FGF14: variants seen among roughly 807,000 people sequenced by gnomAD.
The protein encoded by FGF14 is fibroblast growth factor homologous factor 4.
A neutral mutation model predicts 25.5 loss-of-function variants in FGF14; 5 were observed. The ratio of observed to expected loss-of-function variants is 0.20; its 90% confidence interval spans 0.10 to 0.41. The LOEUF is 0.41. Ranked by LOEUF, FGF14 falls within the 10% of genes least tolerant of loss-of-function variation. FGF14 has a pLI of 1.00. For synonymous variants in FGF14, 138 were observed against 118.3 expected (o/e 1.17, Z -1.08); for missense variants, 222 against 320.1 (o/e 0.69, Z 2.34).
chr13:101,885,815 T>C (rs866484599), intron 1 of FGF14, among the ~76,000 whole-genome samples: 2 of 152,042 alleles, frequency 1.3e-5, no homozygotes, highest in African/African-American at 4.8e-5. Context: ...GAACCAGGTT[T>C]CAAGTGAATG....
intron 3 of FGF14, among the ~76,000 whole-genome samples, chr13:101,791,634 C>T (rs565244799): frequency 1.3e-5 from 2 of 152,108 alleles, no homozygotes; most frequent in Non-Finnish European, 2.9e-5. Flanking sequence ...TGCTAAGGCA[C>T]AGCAGACTGG....
At chr13:102,317,584 T>C (rs1448616753) in intron 1 of FGF14, among the ~76,000 whole-genome samples, 1 of 152,226 alleles carries the variant, frequency 6.6e-6, no homozygotes, top group African/African-American at 2.4e-5. Flanking sequence ...TTTTAAACCT[T>C]TGTTTTTTTT....
intron 1 of FGF14, among the ~76,000 whole-genome samples, chr13:102,129,040 C>T (rs556239558): frequency 6.6e-6 from 1 of 151,736 alleles, no homozygotes; most frequent in Non-Finnish European, 1.5e-5. Flanking sequence ...TGCACTCTAG[C>T]CTGGGCAACA....
chr13:102,328,375 T>C (rs1045781158), intron 1 of FGF14, among the ~76,000 whole-genome samples: 8 of 152,238 alleles, frequency 5.3e-5, no homozygotes, highest in South Asian at 2.1e-4. Context: ...CTGGCTAAAA[T>C]AGGTGAATTT....
intron 1 of FGF14, among the ~76,000 whole-genome samples, chr13:102,356,577 A>G (rs1389269930): frequency 6.6e-6 from 1 of 152,214 alleles, no homozygotes; most frequent in Non-Finnish European, 1.5e-5. Context: ...AATTTGCTAA[A>G]GATCTGATGG....
At chr13:101,870,663 A>G (rs2140456879) in intron 2 of FGF14, among the ~76,000 whole-genome samples, 1 of 152,284 alleles carries the variant, frequency 6.6e-6, no homozygotes, top group Admixed American at 6.5e-5. Flanking sequence ...TGGGACCTGA[A>G]TTATAAAATA....
intron 3 of FGF14, among the ~76,000 whole-genome samples, chr13:101,734,631 TAAC>T (rs1230239994): frequency 2.0e-5 from 3 of 152,122 alleles, no homozygotes; most frequent in South Asian, 2.1e-4. Context: ...GCCTCAATAT[TAAC>T]AATAATAATG....
rs532343462 is a variant in FGF14 at position 102,096,441 on chromosome 13, C to A, written c.209-221145G>T. Among the ~76,000 whole-genome samples, 471 of 150,456 alleles carry A rather than the reference C, an allele frequency of 3.1e-3. 3 individuals are homozygous for A. The highest frequency in any genetic ancestry group is 5.1e-3 in the Admixed American group (77 of 15,054). On this transcript the variant is annotated intron_variant, in intron 1 of 4. Coordinates refer to the FGF14 transcript ENST00000376131. ...CTTTACTCTTTAATTAAAAAAAAAA[C>A]ACACCACTAATTTGGATAATGGTTA...
chr13:102,320,291 G>A (rs2056196708), intron 1 of FGF14, among the ~76,000 whole-genome samples: 1 of 150,586 alleles, frequency 6.6e-6, no homozygotes, highest in Non-Finnish European at 1.5e-5. Context: ...ACCCTCATGA[G>A]ACTTCACAAG....
intron 1 of FGF14, among the ~76,000 whole-genome samples, chr13:102,049,727 G>C (rs1457629974): frequency 6.6e-6 from 1 of 151,726 alleles, no homozygotes; most frequent in Non-Finnish European, 1.5e-5. Context: ...TATAAAAAGG[G>C]GAAATTTACA....
chr13:101,744,790 C>T (rs1177091825), intron 3 of FGF14, among the ~76,000 whole-genome samples: 2 of 151,948 alleles, frequency 1.3e-5, no homozygotes, highest in African/African-American at 2.4e-5. Flanking sequence ...TTTCATTTTA[C>T]TTATTAACAC....
intron 1 of FGF14, among the ~76,000 whole-genome samples, chr13:102,246,899 C>A (rs1392430944): frequency 1.3e-5 from 2 of 151,836 alleles, no homozygotes; most frequent in Admixed American, 6.6e-5. Context: ...GACACATAGA[C>A]CAATGGAATG....
In FGF14 at chr13:101,973,119, C is replaced by CTT. The variant is rs35290815; in HGVS notation, c.209-97825_209-97824dup. On this transcript the variant is annotated intron_variant, in intron 1 of 4. Transcript: ENST00000376131. Reference sequence around the variant, plus strand: ...TGACAGCACATCATAAAGTGTGCTTCTTTTTTTTTTTTTTTTTTGCCTTTA... The same window carrying CTT: ...TGACAGCACATCATAAAGTGTGCTTCTTTTTTTTTTTTTTTTTTTTGCCTTTA... 5.6e-4 allele frequency among the ~76,000 whole-genome samples: 72 copies of CTT among 127,532 alleles called. 3 individuals are homozygous for CTT. Among genetic ancestry groups the CTT allele is most frequent in the Middle Eastern group, 7.5e-3 (2 of 266 alleles). The allele number at this position is 127,532 out of a possible 152,430, so 83.7% of individuals were successfully genotyped here. A position where few individuals can be genotyped will look rare whatever the true frequency, so the allele number is the denominator to read the frequency against.
intron 1 of FGF14, among the ~76,000 whole-genome samples, chr13:102,109,657 G>A (rs550364458): frequency 1.5e-4 from 23 of 152,200 alleles, no homozygotes; most frequent in South Asian, 1.0e-3. Context: ...GTCTTGCTCT[G>A]TCACCTAGGC....
At chr13:101,876,595 T>G (rs779414297) in intron 1 of FGF14, among the ~76,000 whole-genome samples, 2 of 152,158 alleles carry the variant, frequency 1.3e-5, no homozygotes, top group Non-Finnish European at 2.9e-5. Context: ...GGTATAATAT[T>G]GGAAAAATCC....
chr13:102,223,432 G>A (rs2050702877), intron 1 of FGF14, among the ~76,000 whole-genome samples: 1 of 152,150 alleles, frequency 6.6e-6, no homozygotes, highest in Non-Finnish European at 1.5e-5. Flanking sequence ...TGGGATCACT[G>A]CAAGTACTCT....
chr13:102,199,834 T>C (rs2049533409), intron 1 of FGF14, among the ~76,000 whole-genome samples: 1 of 152,174 alleles, frequency 6.6e-6, no homozygotes, highest in South Asian at 2.1e-4. Flanking sequence ...TAGAGCGTGT[T>C]TCTCTCCCTA....
chr13:101,985,080 GTTTT>G (rs71125040), intron 1 of FGF14, among the ~76,000 whole-genome samples: 1 of 134,794 alleles, frequency 7.4e-6, no homozygotes, highest in Non-Finnish European at 1.6e-5. Context: ...TTTTTTTTTT[GTTTT>G]TTTTTTTTTT....
intron 1 of FGF14, among the ~76,000 whole-genome samples, chr13:102,274,006 G>A (rs1321567875): frequency 6.6e-6 from 1 of 151,734 alleles, no homozygotes; most frequent in Non-Finnish European, 1.5e-5. Context: ...AAGAGAAAGG[G>A]AAGGAAGGGA....
Sources: allele counts gnomAD v4.1 joint callset (sites outside exome capture counted in the v4.1 genomes callset), GRCh38; gene constraint gnomAD v4.1.1; transcripts MANE v1.5; gene names NCBI Gene and HGNC (gene_info 2026-07-23, HGNC 2026-07-21).